PARD3B: variants seen among roughly 807,000 people sequenced by gnomAD.
PARD3B encodes par-3 family cell polarity regulator beta.
Under a neutral mutation model 130.2 loss-of-function variants are expected in PARD3B, and 103 were observed. The ratio of observed to expected loss-of-function variants is 0.79; its 90% confidence interval spans 0.67 to 0.93. The LOEUF is 0.93. Ranked by LOEUF, PARD3B falls within the 40% of genes least tolerant of loss-of-function variation. The pLI, the probability that PARD3B is intolerant of heterozygous loss-of-function variation, is 0.00. For synonymous variants in PARD3B, 583 were observed against 553.2 expected, an observed-to-expected ratio of 1.05 and a Z score of -0.76; for missense variants, 1,609 against 1,499.2, an observed-to-expected ratio of 1.07 and a Z score of -1.21.
chr2:204,615,457 A>T (rs1248583664), intron 1 of PARD3B, among the ~76,000 whole-genome samples: 1 of 152,184 alleles, frequency 6.6e-6, no homozygotes, highest in African/African-American at 2.4e-5. Flanking sequence ...CCAAACGCTG[A>T]CACATCTCAT....
At chr2:204,953,054 AC>A in intron 2 of PARD3B, among the ~76,000 whole-genome samples, 1 of 138,910 alleles carries the variant, frequency 7.2e-6, no homozygotes, top group Non-Finnish European at 1.5e-5. Flanking sequence ...ATGTATATAT[AC>A]GTATATATAT....
chr2:205,615,593 G>A lies in PARD3B; in HGVS notation c.3398G>A (p.Arg1133Lys). 1 of 1,614,086 alleles carries A rather than the reference G, an allele frequency of 6.2e-7. No homozygotes were observed. Among genetic ancestry groups the A allele is most frequent in the Non-Finnish European group, 8.5e-7 (1 of 1,179,966 alleles). ...KGSYPRPTEL[R>K]VADLRYPQHY... Reference sequence around the variant, plus strand: ...AGCTATCCCCGCCCCACAGAGCTCAGGGTGGCAGATCTCCGGTATCCTCAG... The same window carrying A: ...AGCTATCCCCGCCCCACAGAGCTCAAGGTGGCAGATCTCCGGTATCCTCAG... Residue 1133 changes from arginine (R) to lysine (K), a missense_variant, in exon 23 of 23, where the codon AGG becomes AAG. By Grantham distance (26) the Arg-to-Lys change is conservative. Transcript: ENST00000406610.
chr2:205,448,992 C>G (rs899606711), intron 20 of PARD3B, among the ~76,000 whole-genome samples: 5 of 151,652 alleles, frequency 3.3e-5, no homozygotes, highest in African/African-American at 1.2e-4. Flanking sequence ...CATGGAGAAA[C>G]CCCATCTCTA....
chr2:204,555,950 C>T (rs1427879531), intron 1 of PARD3B, among the ~76,000 whole-genome samples: 1 of 152,120 alleles, frequency 6.6e-6, no homozygotes, highest in East Asian at 1.9e-4. Flanking sequence ...TATCTACAGA[C>T]CATATTCTTC....
At position 204,906,384 on chromosome 2, in the gene PARD3B, C is replaced by G. The variant is rs10171151; in HGVS notation, c.223-58768C>G. Among the ~76,000 whole-genome samples, 2,577 of 152,114 alleles carry G rather than the reference C, an allele frequency of 0.017. 67 individuals carry two copies. Among genetic ancestry groups the G allele is most frequent in the African/African-American group, 0.059 (2,456 of 41,472 alleles). ...GTTAGAATGCTAAAGCCCATTTTCCCCCTTTGTTTTCTCTTTTCATTGGTG... is the reference window on the plus strand; with the variant it reads ...GTTAGAATGCTAAAGCCCATTTTCCGCCTTTGTTTTCTCTTTTCATTGGTG... On this transcript the variant is annotated intron_variant, in intron 2 of 22. Transcript: ENST00000406610. The surrounding 1 kb of genome is among the most constrained non-coding windows in gnomAD (Gnocchi z 4.3).
intron 3 of PARD3B, among the ~76,000 whole-genome samples, chr2:205,023,817 T>TA (rs1696812271): frequency 1.3e-5 from 2 of 152,190 alleles, no homozygotes; most frequent in South Asian, 2.1e-4. Context: ...TGCCTTTCCT[T>TA]AAAAAAACAG....
chr2:205,345,047 G>T (rs761673451), intron 18 of PARD3B, among the ~76,000 whole-genome samples: 1 of 152,110 alleles, frequency 6.6e-6, no homozygotes, highest in African/African-American at 2.4e-5. Flanking sequence ...AGATGGTTTG[G>T]TTTTGCAAAG....
chr2:205,346,901 T>TGGC (rs2043814238), intron 18 of PARD3B, among the ~76,000 whole-genome samples: 1 of 152,192 alleles, frequency 6.6e-6, no homozygotes, highest in African/African-American at 2.4e-5. Context: ...AATAGCGCCA[T>TGGC]TATCCTAATG....
intron 4 of PARD3B, among the ~76,000 whole-genome samples, chr2:205,050,906 C>A (rs1481559477): frequency 6.6e-6 from 1 of 152,092 alleles, no homozygotes; most frequent in Non-Finnish European, 1.5e-5. Flanking sequence ...TTGCCTGGGG[C>A]AGTCCTGGTT....
At chr2:204,966,753 A>G (rs1575438448) in intron 3 of PARD3B, among the ~76,000 whole-genome samples, 1 of 152,260 alleles carries the variant, frequency 6.6e-6, no homozygotes, top group East Asian at 1.9e-4. Context: ...AAGTCAGCCG[A>G]GATTCCCCTT....
chr2:204,865,229 A>C (rs1421159370), intron 2 of PARD3B, among the ~76,000 whole-genome samples: 1 of 152,188 alleles, frequency 6.6e-6, no homozygotes, highest in Non-Finnish European at 1.5e-5. Flanking sequence ...TAAAGAACTA[A>C]AAGTAGATCT....
intron 18 of PARD3B, among the ~76,000 whole-genome samples, chr2:205,334,685 G>C (rs911371045): frequency 3.9e-5 from 6 of 152,176 alleles, no homozygotes; most frequent in African/African-American, 1.4e-4. Context: ...CCAAAAATGA[G>C]GGTCTGTTGA....
At chr2:205,522,001 A>ATTTT (rs879458658) in intron 21 of PARD3B, among the ~76,000 whole-genome samples, 8 of 151,896 alleles carry the variant, frequency 5.3e-5, no homozygotes, top group South Asian at 2.1e-4. Context: ...AAAGGAGATT[A>ATTTT]TTTTTTTCCT....
chr2:205,522,115 AT>A (rs1409066118), intron 21 of PARD3B, among the ~76,000 whole-genome samples: 1 of 149,186 alleles, frequency 6.7e-6, no homozygotes, highest in Non-Finnish European at 1.5e-5. Flanking sequence ...TTTAATAATT[AT>A]TTTTTGTTTT....
At position 204,950,826 on chromosome 2, in the gene PARD3B, C is replaced by T. The variant is rs1267491047; in HGVS notation, c.223-14326C>T. On this transcript the variant is annotated intron_variant, in intron 2 of 22. Coordinates refer to ENST00000406610, the MANE Select transcript of PARD3B (RefSeq NM_001302769.2). ...TCTCATAGGCGCTAAATACTGAAAC[C>T]CTGTTTTTCTTTGTTTGTTTTTTAA... 4.6e-5 allele frequency among the ~76,000 whole-genome samples: 7 copies of T among 152,034 alleles called. No homozygotes were observed. The South Asian group carries it at 1.5e-3, about 32-fold the overall frequency.
rs1218904101 is a variant in PARD3B at position 204,545,579 on chromosome 2, A to G, written c.-421A>G. 6.6e-6 allele frequency among the ~76,000 whole-genome samples: 1 copy of G among 151,952 alleles called. No individual in the cohort carries two copies. The highest frequency in any genetic ancestry group is 1.5e-5 in the Non-Finnish European group (1 of 67,936). Reference sequence around the variant, plus strand: ...CGCCGCCGCCGCCGCCGCCCACTCCAGCCCCCGGCTTGGGGCCGGCCCTGC... The same window carrying G: ...CGCCGCCGCCGCCGCCGCCCACTCCGGCCCCCGGCTTGGGGCCGGCCCTGC... On this transcript the variant is annotated 5_prime_UTR_variant, in exon 1 of 23. Coordinates refer to ENST00000406610, the MANE Select transcript of PARD3B (RefSeq NM_001302769.2).
intron 16 of PARD3B, among the ~76,000 whole-genome samples, chr2:205,282,751 A>C (rs768137008): frequency 2.6e-5 from 4 of 152,184 alleles, no homozygotes; most frequent in Non-Finnish European, 5.9e-5. Context: ...TGCACAGAAA[A>C]GTTCTCTGAA....
In PARD3B at chr2:205,346,039, C is replaced by T. The variant is rs553047484; in HGVS notation, c.2630+44338C>T. ...ACAAAAAATTAGCCGGGCGTGGTGG[C>T]GCACGCCTGTAGTCCCAGCTACTCG... On this transcript the variant is annotated intron_variant, in intron 18 of 22. Coordinates refer to ENST00000406610, the MANE Select transcript of PARD3B (RefSeq NM_001302769.2). Among the ~76,000 whole-genome samples the T allele has an allele frequency of 3.1e-4, 40 of 130,474 alleles. No homozygotes were observed. In the Middle Eastern group the frequency reaches 0.011, roughly 36 times the overall value. 85.6% of individuals were successfully genotyped at this position (130,474 alleles called of 152,430 possible). A position where few individuals can be genotyped will look rare whatever the true frequency, so the allele number is the denominator to read the frequency against.
At chr2:205,423,359 C>A (rs936820150) in intron 19 of PARD3B, among the ~76,000 whole-genome samples, 1 of 152,172 alleles carries the variant, frequency 6.6e-6, no homozygotes, top group Non-Finnish European at 1.5e-5. Context: ...GTTTGCAGAC[C>A]TGACGGACAA....
Sources: gnomAD v4.1 joint callset for allele counts (sites outside exome capture counted in the v4.1 genomes callset) on GRCh38, gnomAD v4.1.1 for gene constraint, Gnocchi (gnomAD v3.1) non-coding constraint, MANE v1.5 for transcripts, NCBI Gene and HGNC (gene_info 2026-07-23, HGNC 2026-07-21) for gene names.